Variants in CDH13 observed in about 807,000 individuals in gnomAD.
CDH13 encodes the protein cadherin-13.
A neutral mutation model predicts 63.8 loss-of-function variants in CDH13; 24 were observed. That is an observed-to-expected ratio of 0.38 (90% CI 0.27 to 0.53). The LOEUF (loss-of-function observed/expected upper bound fraction) is 0.53. Ranked by LOEUF, CDH13 falls within the 20% of genes least tolerant of loss-of-function variation. CDH13 has a pLI of 0.85. For synonymous variants in CDH13, 503 were observed against 355.3 expected, an observed-to-expected ratio of 1.42 and a Z score of -4.67; for missense variants, 1,049 against 903.1, an observed-to-expected ratio of 1.16 and a Z score of -2.07.
rs201754869 is a variant in CDH13 at position 83,447,065 on chromosome 16, A to C, written c.782-39412A>C. On this transcript the variant is annotated intron_variant, in intron 6 of 13. Transcript: ENST00000567109. ...TGGTCACCCGTCTTAAAAAAAAAAA[A>C]AAAAAAAAACAAAAAACACCTTATA... 5.6e-3 allele frequency among the ~76,000 whole-genome samples: 793 copies of C among 141,478 alleles called. 24 individuals carry two copies. The East Asian group carries it at 0.072, about 13-fold the overall frequency. The allele number at this position is 141,478 out of a possible 152,430, so 92.8% of individuals were successfully genotyped here.
intron 4 of CDH13, among the ~76,000 whole-genome samples, chr16:83,138,844 A>G (rs1284006144): frequency 2.6e-5 from 4 of 152,038 alleles, no homozygotes; most frequent in African/African-American, 9.7e-5. Context: ...GGCAGGGGAG[A>G]GGCAGAAGGA....
chr16:82,850,672 G>A (rs1370891698), intron 1 of CDH13, among the ~76,000 whole-genome samples: 2 of 152,172 alleles, frequency 1.3e-5, no homozygotes, highest in African/African-American at 4.8e-5. Flanking sequence ...GTGAAAGGAA[G>A]AGTCGATAGA....
chr16:82,957,552 G>A (rs1906302011), intron 2 of CDH13, among the ~76,000 whole-genome samples: 1 of 152,136 alleles, frequency 6.6e-6, no homozygotes, highest in Non-Finnish European at 1.5e-5. Context: ...CCCATAACAT[G>A]TACACGCCCC....
chr16:83,719,310 T>C (rs181331811), intron 10 of CDH13, among the ~76,000 whole-genome samples: 2 of 152,314 alleles, frequency 1.3e-5, no homozygotes, highest in East Asian at 3.9e-4. Context: ...CTATGTGGGA[T>C]CTGTGAAGTC....
chr16:83,032,171 G>A lies in CDH13; in HGVS notation c.319G>A (p.Ala107Thr). ...HARTPHAEDM[A>T]ELVIVGGKDI... ...ACGGACCCCCCATGCGGAAGATATG[G>A]CAGAACTCGTGATTGTCGGGGGGAA... Residue 107 changes from alanine to threonine, a missense_variant, in exon 3 of 14, where the codon GCA becomes ACA. Coordinates refer to ENST00000567109, the MANE Select transcript of CDH13 (RefSeq NM_001257.5). 1 of 1,613,744 alleles carries A rather than the reference G, an allele frequency of 6.2e-7. No individual in the cohort carries two copies. Among genetic ancestry groups the A allele is most frequent in the Non-Finnish European group, 8.5e-7 (1 of 1,179,768 alleles).
At chr16:83,169,379 A>G (rs2151725998) in intron 4 of CDH13, among the ~76,000 whole-genome samples, 1 of 151,838 alleles carries the variant, frequency 6.6e-6, no homozygotes, top group East Asian at 1.9e-4. Flanking sequence ...ATTTCACCAT[A>G]TTGGCCAGGA....
chr16:83,467,171 A>C, intron 6 of CDH13, among the ~76,000 whole-genome samples: 1 of 152,190 alleles, frequency 6.6e-6, no homozygotes. Context: ...GCTCTCAGTA[A>C]ACTCAAACGC....
chr16:83,027,760 A>T (rs60547840), intron 2 of CDH13, among the ~76,000 whole-genome samples: 20,079 of 152,042 alleles, frequency 0.13, 1,390 homozygotes, highest in African/African-American at 0.17. Context: ...ACTTCCTTCA[A>T]TTCTCCCTTG....
At chr16:83,236,296 T>A (rs1283118866) in intron 5 of CDH13, among the ~76,000 whole-genome samples, 2 of 151,272 alleles carry the variant, frequency 1.3e-5, no homozygotes, top group African/African-American at 2.4e-5. Context: ...GCATTTAAGA[T>A]ACTCTGCAAA....
intron 1 of CDH13, among the ~76,000 whole-genome samples, chr16:82,744,020 C>T (rs1306330375): frequency 6.6e-6 from 1 of 152,124 alleles, no homozygotes; most frequent in African/African-American, 2.4e-5. Flanking sequence ...TAAGGGATCC[C>T]ATTTTTAAAG....
chr16:83,618,627 A>C (rs1909516160), intron 8 of CDH13, among the ~76,000 whole-genome samples: 1 of 152,158 alleles, frequency 6.6e-6, no homozygotes, highest in Non-Finnish European at 1.5e-5. Flanking sequence ...TTATCATTGC[A>C]CTGTAGTCTG....
intron 1 of CDH13, among the ~76,000 whole-genome samples, chr16:82,760,840 G>T (rs2034808103): frequency 1.3e-5 from 2 of 151,816 alleles, no homozygotes; most frequent in Non-Finnish European, 1.5e-5. Context: ...GAGAGCAAGA[G>T]AGAGGAGGAA....
chr16:83,405,302 T>A (rs2092025718), intron 6 of CDH13, among the ~76,000 whole-genome samples: 1 of 152,194 alleles, frequency 6.6e-6, no homozygotes, highest in Non-Finnish European at 1.5e-5. Context: ...TCCTGGGGCC[T>A]GTGAATGTTA....
intron 5 of CDH13, among the ~76,000 whole-genome samples, chr16:83,276,490 G>A (rs2088992379): frequency 6.6e-6 from 1 of 152,106 alleles, no homozygotes; most frequent in Non-Finnish European, 1.5e-5. Flanking sequence ...ACCCAGGACT[G>A]GGCAATTTAC....
intron 5 of CDH13, among the ~76,000 whole-genome samples, chr16:83,326,228 C>G (rs1217498905): frequency 6.6e-6 from 1 of 152,106 alleles, no homozygotes; most frequent in Non-Finnish European, 1.5e-5. Context: ...CAACAAATTA[C>G]TTTATTCTTC....
chr16:82,628,184 T>C (rs1208328977), intron 1 of CDH13, among the ~76,000 whole-genome samples: 6 of 152,126 alleles, frequency 3.9e-5, no homozygotes, highest in Non-Finnish European at 8.8e-5. Flanking sequence ...CCCGATCCAG[T>C]CCCCCATCGC....
Position 83,337,718 on chromosome 16 carries a change from C to T in CDH13, c.637-7144C>T, listed in dbSNP as rs574617836. ...TAGCTAGGCTGATACTATAATATTTCGCAGCCTTTAGTTTGTGGCAGGATG... is the reference window on the plus strand; with the variant it reads ...TAGCTAGGCTGATACTATAATATTTTGCAGCCTTTAGTTTGTGGCAGGATG... On this transcript the variant is annotated intron_variant, in intron 5 of 13. Coordinates refer to ENST00000567109, the MANE Select transcript of CDH13 (RefSeq NM_001257.5). 7.9e-5 allele frequency among the ~76,000 whole-genome samples: 10 copies of T among 127,280 alleles called. No individual in the cohort carries two copies. In the East Asian group the frequency reaches 1.0e-3, roughly 13 times the overall value. 83.5% of individuals were successfully genotyped at this position (127,280 alleles called of 152,430 possible). A position where few individuals can be genotyped will look rare whatever the true frequency, so the allele number is the denominator to read the frequency against.
intron 1 of CDH13, among the ~76,000 whole-genome samples, chr16:82,802,097 A>T (rs1410785766): frequency 7.8e-6 from 1 of 128,514 alleles, no homozygotes; most frequent in Non-Finnish European, 1.6e-5. Flanking sequence ...TCACTGGGTT[A>T]TTTATCTATC....
intron 2 of CDH13, among the ~76,000 whole-genome samples, chr16:82,872,770 A>C (rs1028502418): frequency 6.6e-6 from 1 of 152,168 alleles, no homozygotes; most frequent in Admixed American, 6.5e-5. Context: ...GAAATAGGGA[A>C]TGGAAAAGGA....
Sources: allele counts gnomAD v4.1 joint callset (sites outside exome capture counted in the v4.1 genomes callset), GRCh38; gene constraint gnomAD v4.1.1; transcripts MANE v1.5; gene names NCBI Gene and HGNC (gene_info 2026-07-23, HGNC 2026-07-21).